Variants in CDC42SE2 observed in about 807,000 individuals in gnomAD.
The protein encoded by CDC42SE2 is CDC42 small effector protein 2.
A neutral mutation model predicts 11.5 loss-of-function variants in CDC42SE2; 3 were observed. That is an observed-to-expected ratio of 0.26 (90% CI 0.12 to 0.67). CDC42SE2 has a LOEUF of 0.67. CDC42SE2 is among the 30% of genes least tolerant of loss of function. CDC42SE2 has a pLI of 0.80. For missense variants in CDC42SE2, 82 were observed against 106.8 expected, an observed-to-expected ratio of 0.77 and a Z score of 1.02; for synonymous variants, 33 against 34.8, an observed-to-expected ratio of 0.95 and a Z score of 0.18.
In CDC42SE2 at chr5:131,337,409, G is replaced by A. The variant is rs542848834; in HGVS notation, c.-286+21265G>A. ...GGGGTGCCTCCCAGTTAGGCTGCTC[G>A]TGGGTCAGGGACCTACTTGAGGAGG... is the stretch of plus-strand genomic sequence containing the variant. On this transcript the variant is annotated intron_variant, in intron 2 of 4. Coordinates refer to ENST00000505065, the MANE Select transcript of CDC42SE2 (RefSeq NM_001375635.1). Among the ~76,000 whole-genome samples the A allele has an allele frequency of 1.1e-3, 167 of 152,312 alleles. 1 individual carries two copies. The highest frequency in any genetic ancestry group is 5.2e-4 in the Admixed American group (8 of 15,298).
Position 131,329,912 on chromosome 5 carries a change from A to C in CDC42SE2, c.-286+13768A>C, listed in dbSNP as rs888329835. 6.6e-5 allele frequency among the ~76,000 whole-genome samples: 9 copies of C among 136,280 alleles called. 1 individual carries two copies. Among genetic ancestry groups the C allele is most frequent in the African/African-American group, 2.4e-4 (8 of 33,530 alleles). 89.4% of individuals were successfully genotyped at this position (136,280 alleles called of 152,430 possible). On this transcript the variant is annotated intron_variant, in intron 2 of 4. Transcript: ENST00000505065. ...AAAAAAAAAAAAAAAAAAAAAAAAA[A>C]AAAAAAAAAAGAAGAAGCGCTCCAG...
At chr5:131,274,295 C>G (rs1580724815) in intron 1 of CDC42SE2, among the ~76,000 whole-genome samples, 1 of 152,282 alleles carries the variant, frequency 6.6e-6, no homozygotes. Flanking sequence ...AATGTCAACT[C>G]CATCTTTCAG....
intron 1 of CDC42SE2, among the ~76,000 whole-genome samples, chr5:131,313,772 A>G (rs566216977): frequency 7.5e-4 from 114 of 152,244 alleles, no homozygotes; most frequent in South Asian, 6.4e-3. Flanking sequence ...GCCCTTTTTA[A>G]AAGCCGTTTT....
chr5:131,234,617 C>G, the CDC42SE2 span, among the ~76,000 whole-genome samples: 1 of 142,552 alleles, frequency 7.0e-6, no homozygotes, highest in Non-Finnish European at 1.5e-5. Flanking sequence ...GCCTGGGTGA[C>G]AGAGTGAGAC....
chr5:131,294,168 ATTATCT>A (rs1561575074), intron 1 of CDC42SE2, among the ~76,000 whole-genome samples: 1 of 152,184 alleles, frequency 6.6e-6, no homozygotes, highest in African/African-American at 2.4e-5. Flanking sequence ...ACCAGAAAAC[ATTATCT>A]TTAAGCGGAT....
At chr5:131,221,045 C>G in the CDC42SE2 span, among the ~76,000 whole-genome samples, 1 of 151,986 alleles carries the variant, frequency 6.6e-6, no homozygotes, top group South Asian at 2.1e-4. Context: ...CCACCACACT[C>G]GGCTAATATT....
At chr5:131,373,391 C>G (rs1245532132) in intron 3 of CDC42SE2, among the ~76,000 whole-genome samples, 2 of 152,130 alleles carry the variant, frequency 1.3e-5, no homozygotes, top group African/African-American at 4.8e-5. Context: ...GCAAGCCAGC[C>G]AGCCAGCATT....
chr5:131,243,813 C>T (rs1341202975), upstream of CDC42SE2, among the ~76,000 whole-genome samples: 3 of 152,122 alleles, frequency 2.0e-5, no homozygotes, highest in Non-Finnish European at 4.4e-5. Flanking sequence ...TGTGAGAAAG[C>T]GGATGAATTG....
At chr5:131,253,585 C>T (rs1019758698) in intron 1 of CDC42SE2, among the ~76,000 whole-genome samples, 9 of 151,966 alleles carry the variant, frequency 5.9e-5, no homozygotes, top group Non-Finnish European at 4.4e-5. Context: ...ACCAACTTGG[C>T]GAAACCCTAT....
intron 1 of CDC42SE2, among the ~76,000 whole-genome samples, chr5:131,310,414 G>A (rs1279726209): frequency 6.6e-6 from 1 of 151,912 alleles, no homozygotes; most frequent in Non-Finnish European, 1.5e-5. Context: ...TGAAAAAAAT[G>A]TATATTCTGT....
At chr5:131,318,127 C>G (rs1758089168) in intron 2 of CDC42SE2, among the ~76,000 whole-genome samples, 1 of 151,840 alleles carries the variant, frequency 6.6e-6, no homozygotes, top group Admixed American at 6.6e-5. Context: ...TTTGTAGAGA[C>G]AGGGTTTCAC....
upstream of CDC42SE2, among the ~76,000 whole-genome samples, chr5:131,241,380 G>C (rs114022814): frequency 1.9e-3 from 290 of 152,184 alleles, 1 homozygote; most frequent in African/African-American, 6.7e-3. Context: ...TCTAAAGTAA[G>C]CTTGTTTTTC....
chr5:131,260,624 C>CA (rs34035270), upstream of CDC42SE2, among the ~76,000 whole-genome samples: 260 of 96,278 alleles, frequency 2.7e-3, no homozygotes, highest in Middle Eastern at 6.4e-3. Flanking sequence ...GACGCTCTCT[C>CA]AAAAAAAAAA....
At chr5:131,271,661 C>T (rs777888911) in intron 1 of CDC42SE2, among the ~76,000 whole-genome samples, 1 of 152,182 alleles carries the variant, frequency 6.6e-6, no homozygotes, top group Non-Finnish European at 1.5e-5. Context: ...TTCTGTATGT[C>T]TGCGATCTGT....
chr5:131,305,064 T>C (rs1004492106), intron 1 of CDC42SE2, among the ~76,000 whole-genome samples: 4 of 152,174 alleles, frequency 2.6e-5, no homozygotes, highest in African/African-American at 9.7e-5. Context: ...TGATCTGCTT[T>C]TCCACCACTA....
At chr5:131,348,541 A>G (rs1758914430) in intron 2 of CDC42SE2, among the ~76,000 whole-genome samples, 2 of 152,208 alleles carry the variant, frequency 1.3e-5, no homozygotes, top group African/African-American at 4.8e-5. Context: ...AGGAGGAATC[A>G]ATATCATGAA....
intron 1 of CDC42SE2, among the ~76,000 whole-genome samples, chr5:131,310,473 C>A (rs1329923399): frequency 1.3e-5 from 2 of 151,950 alleles, no homozygotes; most frequent in South Asian, 4.1e-4. Context: ...CTGCTTGGTG[C>A]AGAGCTGAGT....
Position 131,248,860 on chromosome 5 carries a change from T to G in CDC42SE2, n.107+3261T>G, listed in dbSNP as rs902182952. Among the ~76,000 whole-genome samples, 3 of 152,142 alleles carry G rather than the reference T, an allele frequency of 2.0e-5. No homozygotes were observed. The East Asian group carries it at 5.8e-4, about 29-fold the overall frequency. On this transcript the variant is annotated intron_variant and non_coding_transcript_variant, in intron 1 of 3. Transcript: ENST00000502840. ...CTGTGTTAATGTGTAGGAAGACTTATTATTATGAATGTATCAATTGTCCCC... is the reference window on the plus strand; with the variant it reads ...CTGTGTTAATGTGTAGGAAGACTTAGTATTATGAATGTATCAATTGTCCCC...
rs530049304 is a variant in CDC42SE2, at chr5:131,277,303, G to A, written c.-455+13137G>A. Among the ~76,000 whole-genome samples the A allele has an allele frequency of 2.9e-3, 439 of 152,110 alleles. 7 individuals are homozygous for A. Among genetic ancestry groups the A allele is most frequent in the Non-Finnish European group, 3.2e-3 (219 of 68,008 alleles). Reference sequence around the variant, plus strand: ...CAGCTGTATTCATAGTTTGATGCCCGCCATCCTACTTTAACTTCATAATGT... The same window carrying A: ...CAGCTGTATTCATAGTTTGATGCCCACCATCCTACTTTAACTTCATAATGT... On this transcript the variant is annotated intron_variant, in intron 1 of 4. Coordinates refer to ENST00000505065, the MANE Select transcript of CDC42SE2 (RefSeq NM_001375635.1).
Sources: allele counts gnomAD v4.1 joint callset (sites outside exome capture counted in the v4.1 genomes callset), GRCh38; gene constraint gnomAD v4.1.1; transcripts MANE v1.5; gene names NCBI Gene and HGNC (gene_info 2026-07-23, HGNC 2026-07-21).